TRIM14: variants seen among roughly 807,000 people sequenced by gnomAD.
The protein encoded by TRIM14 is tripartite motif-containing protein 14.
Under a neutral mutation model 44.5 loss-of-function variants are expected in TRIM14, and 28 were observed. The observed-to-expected ratio is 0.63, with a 90% confidence interval of 0.47 to 0.86. The LOEUF (loss-of-function observed/expected upper bound fraction) is 0.86. Ranked by LOEUF, TRIM14 falls within the 40% of genes least tolerant of loss-of-function variation. The probability of loss-of-function intolerance (pLI) is 0.00; values close to 1 mark genes in which losing one functional copy is unlikely to be tolerated. For missense variants in TRIM14, 607 were observed against 611.1 expected, an observed-to-expected ratio of 0.99 and a Z score of 0.07; for synonymous variants, 299 against 269.2, an observed-to-expected ratio of 1.11 and a Z score of -1.08.
At chr9:98,046,313 G>C in the TRIM14 span, among the ~76,000 whole-genome samples, 5 of 152,112 alleles carry the variant, frequency 3.3e-5, no homozygotes, top group East Asian at 9.6e-4. Flanking sequence ...TGGTGAAATC[G>C]TACTAAAGGT....
chr9:98,043,302 C>T, the TRIM14 span, among the ~76,000 whole-genome samples: 3 of 152,060 alleles, frequency 2.0e-5, no homozygotes, highest in East Asian at 1.9e-4. Context: ...CTCAGCCTCC[C>T]GAGTAGCTGG....
chr9:98,065,734 G>A (rs536892674), downstream of TRIM14, among the ~76,000 whole-genome samples: 93 of 151,478 alleles, frequency 6.1e-4, no homozygotes, highest in African/African-American at 2.1e-3. Context: ...GAATTCCCAC[G>A]TGTTGTGGGA....
At chr9:98,047,135 C>T in the TRIM14 span, among the ~76,000 whole-genome samples, 65 of 152,216 alleles carry the variant, frequency 4.3e-4, 1 homozygote, top group East Asian at 3.5e-3. Flanking sequence ...ATCATGGTGG[C>T]GGTTTCCCCC....
Position 98,086,316 on chromosome 9 carries a change from A to T in TRIM14, c.*1154T>A, listed in dbSNP as rs577342326. On this transcript the variant is annotated 3_prime_UTR_variant, in exon 6 of 6. Transcript: ENST00000341469. ...AACGGGGCACACGTCTGGCCCCCCT[A>T]TATCACCCCGGGGTAACTTTACGCA... 2 of 152,150 alleles carry T rather than the reference A, an allele frequency of 1.3e-5. No homozygotes were observed. The highest frequency in any genetic ancestry group is 4.8e-5 in the African/African-American group (2 of 41,378). The allele number at this position is 152,150 out of a possible 1,614,324, so 9.4% of individuals were successfully genotyped here. A position where few individuals can be genotyped will look rare whatever the true frequency, so the allele number is the denominator to read the frequency against.
At chr9:98,062,036 A>G in the TRIM14 span, among the ~76,000 whole-genome samples, 1 of 151,860 alleles carries the variant, frequency 6.6e-6, no homozygotes, top group Non-Finnish European at 1.5e-5. Flanking sequence ...AGTGTGGGCA[A>G]CACAGGGAGA....
At chr9:98,046,248 T>A in the TRIM14 span, among the ~76,000 whole-genome samples, 632 of 152,260 alleles carry the variant, frequency 4.2e-3, 3 homozygotes, top group African/African-American at 0.014. Flanking sequence ...GAGTTCCTTC[T>A]GACTTATACA....
downstream of TRIM14, among the ~76,000 whole-genome samples, chr9:98,069,122 T>G (rs538731795): frequency 1.3e-5 from 2 of 152,218 alleles, no homozygotes; most frequent in African/African-American, 4.8e-5. Context: ...TTAACATTCA[T>G]ACAAAAACCT....
At chr9:98,064,258 A>G in the TRIM14 span, among the ~76,000 whole-genome samples, 1 of 145,740 alleles carries the variant, frequency 6.9e-6, no homozygotes, top group Non-Finnish European at 1.5e-5. Context: ...CTAATTCCCT[A>G]TTTTTTTTTT....
chr9:98,081,262 C>A, downstream of TRIM14: 1 of 769,498 alleles, frequency 1.3e-6, no homozygotes. Context: ...TCACTCTGGC[C>A]TGTAGCAGCA....
chr9:98,071,706 G>A (rs563223866), intron 6 of TRIM14, among the ~76,000 whole-genome samples: 5 of 152,236 alleles, frequency 3.3e-5, no homozygotes, highest in African/African-American at 7.2e-5. Flanking sequence ...TTCATTTTCC[G>A]TGTGTGACCA....
chr9:98,092,108 G>A (rs558518057), intron 4 of TRIM14, 107 bp from the exon 5 acceptor site: 1 of 796,374 alleles, frequency 1.3e-6, no homozygotes, highest in East Asian at 2.8e-5. Flanking sequence ...TCGCCCAAGA[G>A]CCAGGCAGAT....
the TRIM14 span, among the ~76,000 whole-genome samples, chr9:98,042,763 A>T: frequency 6.6e-6 from 1 of 151,922 alleles, no homozygotes; most frequent in East Asian, 1.9e-4. Flanking sequence ...CCAGCTACTC[A>T]GGAGGCTGAG....
intron 4 of TRIM14, among the ~76,000 whole-genome samples, chr9:98,094,111 C>A (rs1826097751): frequency 6.6e-6 from 1 of 152,144 alleles, no homozygotes; most frequent in African/African-American, 2.4e-5. Context: ...TCTGTCTTCC[C>A]CTACGAAGAC....
downstream of TRIM14, among the ~76,000 whole-genome samples, chr9:98,066,154 T>C (rs571738678): frequency 9.5e-4 from 144 of 152,340 alleles, no homozygotes; most frequent in South Asian, 6.4e-3. Context: ...AGGAGAAATG[T>C]TATGTGTGCA....
intron 6 of TRIM14, among the ~76,000 whole-genome samples, chr9:98,077,374 ATTT>A (rs76602477): frequency 7.1e-6 from 1 of 141,392 alleles, no homozygotes; most frequent in Non-Finnish European, 1.6e-5. Context: ...CTTTTTAAGA[ATTT>A]TTTTTTTTTT....
At chr9:98,113,100 C>T (rs991206612) in intron 1 of TRIM14, among the ~76,000 whole-genome samples, 16 of 112,676 alleles carry the variant, frequency 1.4e-4, no homozygotes, top group African/African-American at 4.1e-4. Flanking sequence ...GCAACAAGAG[C>T]GAAACTCCAT....
the TRIM14 span, chr9:98,056,681 G>T: frequency 4.3e-6 from 6 of 1,402,758 alleles, no homozygotes; most frequent in South Asian, 8.2e-5. Context: ...GCTGCCCGGC[G>T]ACCGCGGGCT....
the TRIM14 span, among the ~76,000 whole-genome samples, chr9:98,046,596 C>T: frequency 6.6e-6 from 1 of 152,020 alleles, no homozygotes; most frequent in Non-Finnish European, 1.5e-5. Context: ...CATGCGCCAC[C>T]ACACTCGGCT....
At chr9:98,074,198 C>T (rs949138385) in intron 6 of TRIM14, among the ~76,000 whole-genome samples, 2 of 152,194 alleles carry the variant, frequency 1.3e-5, no homozygotes, top group Non-Finnish European at 2.9e-5. Context: ...TAGTGTTTCT[C>T]CCAAACGAGG....
Sources: gnomAD v4.1 joint callset for allele counts (sites outside exome capture counted in the v4.1 genomes callset) on GRCh38, gnomAD v4.1.1 for gene constraint, MANE v1.5 for transcripts, NCBI Gene and HGNC (gene_info 2026-07-23, HGNC 2026-07-21) for gene names.